AMBRA1: variants seen among roughly 807,000 people sequenced by gnomAD.
AMBRA1 encodes the protein activating molecule in BECN1-regulated autophagy protein 1.
A neutral mutation model predicts 125.4 loss-of-function variants in AMBRA1; 47 were observed. The ratio of observed to expected loss-of-function variants is 0.37; its 90% CI spans 0.30 to 0.48. AMBRA1 has a LOEUF of 0.48. Among genes scored for constraint, AMBRA1 ranks in the 20% least tolerant of loss-of-function variants. The pLI is 0.99. For synonymous variants in AMBRA1, 626 were observed against 655.5 expected (o/e 0.95, Z 0.69); for missense variants, 1,331 against 1,693.4 (o/e 0.79, Z 3.76).
chr11:46,433,217 AG>A (rs1947538186), intron 14 of AMBRA1, among the ~76,000 whole-genome samples: 1 of 152,232 alleles, frequency 6.6e-6, no homozygotes, highest in African/African-American at 2.4e-5. Flanking sequence ...GGAAGTATTC[AG>A]TTTATCTGAA....
At chr11:46,488,245 CAGGAGCT>C (rs910992705) in intron 11 of AMBRA1, among the ~76,000 whole-genome samples, 2 of 152,152 alleles carry the variant, frequency 1.3e-5, no homozygotes, top group African/African-American at 2.4e-5. Context: ...CCCTTGACAT[CAGGAGCT>C]TAAGACCAGC....
At position 46,543,067 on chromosome 11, in the gene AMBRA1, G is replaced by A. The variant is rs1952830394; in HGVS notation, c.950C>T (p.Thr317Ile). ...GTGTGGCAAGAGGGAAGGAACTCGAGTGCCAGAGCAGCGGCTGCAAAGGCA... is the reference window on the plus strand; with the variant it reads ...GTGTGGCAAGAGGGAAGGAACTCGAATGCCAGAGCAGCGGCTGCAAAGGCA... Reference protein sequence around the residue: ...ILCLCSRCSGTRVPSLLPHQD... With the variant: ...ILCLCSRCSGIRVPSLLPHQD... Residue 317 changes from threonine (T) to isoleucine (I), a missense_variant, in exon 7 of 18, where the codon ACT becomes ATT. Thr to Ile is a moderately conservative substitution (Grantham distance 89, BLOSUM62 -1). Coordinates refer to ENST00000683756, the MANE Select transcript of AMBRA1 (RefSeq NM_001387011.1). 6.3e-7 allele frequency: 1 copy of A among 1,597,928 alleles called. No individual in the cohort carries two copies. Among genetic ancestry groups the A allele is most frequent in the Middle Eastern group, 1.7e-4 (1 of 6,056 alleles).
rs767500993 is a variant in AMBRA1, at chr11:46,397,786, G to A, written c.3561C>T (p.Arg1187=). 1.2e-6 allele frequency: 2 copies of A among 1,610,890 alleles called. No homozygotes were observed. The change falls in exon 18 of 18, where the codon CGC becomes CGT. Residue 1187 remains arginine (R), a synonymous_variant. Coordinates refer to ENST00000683756, the MANE Select transcript of AMBRA1 (RefSeq NM_001387011.1). ...TGCCCGTCTGAGAGCTGCGGTGAAT[G>A]CGGTGGCTGACGATGATGTTGTTGC... ...GFGNNIIVSH[R]IHRSSQTGTE... is the part of the protein sequence containing the mutation.
intron 16 of AMBRA1, among the ~76,000 whole-genome samples, chr11:46,409,390 G>T (rs1946178665): frequency 6.6e-6 from 1 of 152,036 alleles, no homozygotes; most frequent in South Asian, 2.1e-4. Context: ...TAGTAGAGAG[G>T]GGTTTCACCA....
chr11:46,435,119 G>A (rs1947659833), intron 12 of AMBRA1, 82 bp from the exon 13 acceptor site: 2 of 1,281,786 alleles, frequency 1.6e-6, no homozygotes, highest in Non-Finnish European at 2.1e-6. Flanking sequence ...AAACTTTAGG[G>A]ACTTCCTAAG....
At chr11:46,505,808 C>A (rs1242350083) in intron 9 of AMBRA1, among the ~76,000 whole-genome samples, 1 of 151,976 alleles carries the variant, frequency 6.6e-6, no homozygotes, top group African/African-American at 2.4e-5. Context: ...AAGACAAGAA[C>A]AGAACATTTT....
At chr11:46,549,769 T>C (rs1271839265) in intron 1 of AMBRA1, among the ~76,000 whole-genome samples, 1 of 151,878 alleles carries the variant, frequency 6.6e-6, no homozygotes, top group Non-Finnish European at 1.5e-5. Flanking sequence ...ATGGCCTCCA[T>C]GTTTTGTTTT....
chr11:46,494,902 T>A (rs1950579763), intron 9 of AMBRA1: 1 of 152,258 alleles, frequency 6.6e-6, no homozygotes, highest in Non-Finnish European at 1.5e-5. Flanking sequence ...ATCTGCTAGG[T>A]TCCAATACAA....
intron 1 of AMBRA1, among the ~76,000 whole-genome samples, chr11:46,583,801 T>C (rs1418258998): frequency 1.3e-5 from 2 of 149,762 alleles, no homozygotes; most frequent in Non-Finnish European, 3.0e-5. Context: ...ATCAGAGAAA[T>C]GCAAATCAAA....
chr11:46,443,917 G>A (rs1274536382), intron 11 of AMBRA1, among the ~76,000 whole-genome samples: 2 of 152,194 alleles, frequency 1.3e-5, no homozygotes, highest in East Asian at 1.9e-4. Flanking sequence ...AAAGAGACAG[G>A]TGAATTTTCA....
intron 15 of AMBRA1, among the ~76,000 whole-genome samples, 168 bp from the exon 16 acceptor site, chr11:46,410,536 T>A (rs150768979): frequency 6.6e-6 from 1 of 152,222 alleles, no homozygotes. Context: ...GGATGCTCAG[T>A]GCTGGATCAA....
chr11:46,504,336 C>T (rs889871630), intron 9 of AMBRA1: 1 of 152,212 alleles, frequency 6.6e-6, no homozygotes, highest in Non-Finnish European at 1.5e-5. Context: ...TTAACCTGGG[C>T]TTTATAAAAG....
chr11:46,544,395 T>C (rs994243155), intron 5 of AMBRA1, among the ~76,000 whole-genome samples: 1 of 152,096 alleles, frequency 6.6e-6, no homozygotes, highest in Non-Finnish European at 1.5e-5. Context: ...AGTTCTTCCC[T>C]CATATGGCAG....
intron 9 of AMBRA1, among the ~76,000 whole-genome samples, chr11:46,506,966 C>G (rs1183468456): frequency 6.7e-6 from 1 of 149,792 alleles, no homozygotes; most frequent in African/African-American, 2.5e-5. Flanking sequence ...GAGATGGAGA[C>G]CATCCTGGCT....
At chr11:46,573,302 G>A (rs1463619513) in intron 1 of AMBRA1, among the ~76,000 whole-genome samples, 1 of 151,944 alleles carries the variant, frequency 6.6e-6, no homozygotes, top group African/African-American at 2.4e-5. Context: ...CTACTCAGGA[G>A]GCTGAGGCAG....
At chr11:46,508,090 G>T in intron 9 of AMBRA1, 101 bp downstream of exon 9, 3 of 1,247,462 alleles carry the variant, frequency 2.4e-6, no homozygotes, top group Non-Finnish European at 3.4e-6. Flanking sequence ...TTGAGGAGTT[G>T]GGAGCAAGAA....
intron 13 of AMBRA1, among the ~76,000 whole-genome samples, chr11:46,434,516 T>C (rs980097485): frequency 9.2e-5 from 14 of 152,182 alleles, no homozygotes; most frequent in African/African-American, 3.4e-4. Context: ...GATTATTTCC[T>C]TAAAAGCTGG....
intron 1 of AMBRA1, among the ~76,000 whole-genome samples, chr11:46,568,260 C>G (rs377215311): frequency 1.0e-3 from 156 of 152,236 alleles, no homozygotes; most frequent in Non-Finnish European, 1.9e-3. Flanking sequence ...GAGTGCAAGA[C>G]CAGCCTGGCC....
In AMBRA1 at chr11:46,520,258, G is replaced by T. The variant is rs544748519; in HGVS notation, c.2073-7445C>A. On this transcript the variant is annotated intron_variant, in intron 7 of 17. Coordinates refer to ENST00000683756, the MANE Select transcript of AMBRA1 (RefSeq NM_001387011.1). The stretch of plus-strand genomic sequence containing the variant: ...AAACTGAAAAAATTTTAATACACAA[G>T]CACACATTCAATTAGCCATCAGGAT... 6.6e-5 allele frequency among the ~76,000 whole-genome samples: 10 copies of T among 151,830 alleles called. No individual in the cohort carries two copies. The South Asian group carries it at 2.1e-3, about 32-fold the overall frequency.
Sources: allele counts gnomAD v4.1 joint callset (sites outside exome capture counted in the v4.1 genomes callset), GRCh38; gene constraint gnomAD v4.1.1; transcripts MANE v1.5; gene names NCBI Gene and HGNC (gene_info 2026-07-23, HGNC 2026-07-21).